LARP1: variants seen among roughly 807,000 people sequenced by gnomAD.
LARP1 encodes la-related protein 1.
A neutral mutation model predicts 122.7 loss-of-function variants in LARP1; 36 were observed. That is an observed-to-expected ratio of 0.29 (90% CI 0.22 to 0.39). LARP1 has a LOEUF of 0.39. Ranked by LOEUF, LARP1 falls within the 10% of genes least tolerant of loss-of-function variation. The pLI, the probability that LARP1 is intolerant of heterozygous loss-of-function variation, is 1.00. For missense variants in LARP1, 1,040 were observed against 1,403.6 expected (o/e 0.74, Z 4.14); for synonymous variants, 539 against 528.7 (o/e 1.02, Z -0.27).
chr5:154,772,484 A>G (rs1755519189), intron 1 of LARP1, among the ~76,000 whole-genome samples: 1 of 152,220 alleles, frequency 6.6e-6, no homozygotes, highest in Admixed American at 6.5e-5. Context: ...TGGGGGATAC[A>G]TTTCAAGACC....
intron 1 of LARP1, among the ~76,000 whole-genome samples, chr5:154,692,009 C>T (rs1274294344): frequency 6.6e-6 from 1 of 152,138 alleles, no homozygotes; most frequent in Admixed American, 6.5e-5. Flanking sequence ...CCAGGCTGGT[C>T]TTGAACATCT....
intron 14 of LARP1, chr5:154,804,679 T>C (rs1758614674): frequency 2.4e-6 from 1 of 425,018 alleles, no homozygotes; most frequent in Non-Finnish European, 4.6e-6. Context: ...TGAAAAGTTT[T>C]AAAAATTAAA....
chr5:154,734,759 C>G (rs1756782059), intron 1 of LARP1, among the ~76,000 whole-genome samples: 1 of 152,044 alleles, frequency 6.6e-6, no homozygotes, highest in Admixed American at 6.6e-5. Context: ...TTGTTGGAAA[C>G]AGATTTCCAG....
intron 1 of LARP1, among the ~76,000 whole-genome samples, chr5:154,779,780 T>C (rs1756264547): frequency 6.6e-6 from 1 of 152,100 alleles, no homozygotes; most frequent in South Asian, 2.1e-4. Flanking sequence ...AGTGCTGAGA[T>C]TACAGGCATG....
At chr5:154,719,299 C>G (rs915677912) in intron 1 of LARP1, among the ~76,000 whole-genome samples, 1 of 152,176 alleles carries the variant, frequency 6.6e-6, no homozygotes, top group African/African-American at 2.4e-5. Context: ...CCTACATACC[C>G]TCTTTTGGCA....
At chr5:154,735,545 T>TTTTA (rs201042247) in intron 1 of LARP1, among the ~76,000 whole-genome samples, 103,413 of 143,774 alleles carry the variant, frequency 0.72, 37,631 homozygotes, top group Middle Eastern at 0.78. Flanking sequence ...TTATTTTTAT[T>TTTTA]TTTATTTATT....
rs1326085254 is a variant in LARP1 at position 154,778,258 on chromosome 5, T to TTAAAAAAAAAA, written c.437-12067_437-12066insTAAAAAAAAAA. The stretch of plus-strand genomic sequence containing the variant: ...CTGGGCCACAGAGCGAGACTCCGTC[T>TTAAAAAAAAAA]AAAAAAAAAAAAAAAAAAAGTGCAG... On this transcript the variant is annotated intron_variant, in intron 1 of 18. Coordinates refer to ENST00000518297, the MANE Select transcript of LARP1 (RefSeq NM_033551.3). Among the ~76,000 whole-genome samples, 2 of 119,710 alleles carry TTAAAAAAAAAA rather than the reference T, an allele frequency of 1.7e-5. 1 individual carries two copies. 78.5% of individuals were successfully genotyped at this position (119,710 alleles called of 152,430 possible). A position where few individuals can be genotyped will look rare whatever the true frequency, so the allele number is the denominator to read the frequency against.
chr5:154,692,204 C>T (rs1037303648), intron 1 of LARP1, among the ~76,000 whole-genome samples: 1 of 152,192 alleles, frequency 6.6e-6, no homozygotes, highest in African/African-American at 2.4e-5. Context: ...AACATCATTC[C>T]CCAGTTTCGC....
At chr5:154,683,123 C>T (rs1441568819) in intron 1 of LARP1, among the ~76,000 whole-genome samples, 9 of 152,164 alleles carry the variant, frequency 5.9e-5, no homozygotes, top group Admixed American at 5.9e-4. Context: ...GAGGGGGCAC[C>T]GAAAGGGGCC....
chr5:154,782,342 A>G (rs1756519436), intron 1 of LARP1, among the ~76,000 whole-genome samples: 2 of 152,136 alleles, frequency 1.3e-5, no homozygotes, highest in Non-Finnish European at 2.9e-5. Flanking sequence ...GTGGCCGCTG[A>G]TATATTTCAG....
At chr5:154,726,816 C>A (rs1180927832) in intron 1 of LARP1, among the ~76,000 whole-genome samples, 1 of 152,194 alleles carries the variant, frequency 6.6e-6, no homozygotes, top group Non-Finnish European at 1.5e-5. Context: ...CCTCAGGAAA[C>A]TTGCAATCAT....
chr5:154,770,938 C>T (rs1020359176), intron 1 of LARP1, among the ~76,000 whole-genome samples: 1 of 151,946 alleles, frequency 6.6e-6, no homozygotes, highest in Non-Finnish European at 1.5e-5. Flanking sequence ...TGTGGTGAAA[C>T]CCCGTCTCTA....
chr5:154,715,538 C>T (rs560929963), intron 1 of LARP1, among the ~76,000 whole-genome samples: 5 of 152,238 alleles, frequency 3.3e-5, no homozygotes, highest in South Asian at 4.1e-4. Flanking sequence ...CCACCGTGCC[C>T]GACCAAGCCT....
intron 15 of LARP1, among the ~76,000 whole-genome samples, chr5:154,806,998 C>G (rs145842632): frequency 6.6e-6 from 1 of 152,318 alleles, no homozygotes; most frequent in East Asian, 1.9e-4. Context: ...AGAATCCTCC[C>G]AGCCCTATGA....
intron 1 of LARP1, among the ~76,000 whole-genome samples, chr5:154,777,831 A>T (rs1203879553): frequency 6.6e-6 from 1 of 152,146 alleles, no homozygotes; most frequent in Non-Finnish European, 1.5e-5. Flanking sequence ...TACCTACACA[A>T]ATTAAAAATT....
chr5:154,719,941 C>T (rs2113342223), intron 1 of LARP1, among the ~76,000 whole-genome samples: 1 of 151,722 alleles, frequency 6.6e-6, no homozygotes, highest in Non-Finnish European at 1.5e-5. Flanking sequence ...CCTATAATCC[C>T]AGCACTTTGG....
chr5:154,759,865 C>T (rs1265265017), intron 1 of LARP1, among the ~76,000 whole-genome samples: 1 of 152,152 alleles, frequency 6.6e-6, no homozygotes, highest in Admixed American at 6.5e-5. Context: ...GATGCTATGG[C>T]CATCCGTAGG....
chr5:154,756,894 A>G (rs1476059902), intron 1 of LARP1, among the ~76,000 whole-genome samples: 2 of 151,108 alleles, frequency 1.3e-5, no homozygotes, highest in Admixed American at 1.3e-4. Flanking sequence ...GGAGCCAGTT[A>G]GGAGGTTGGC....
At chr5:154,750,773 A>C (rs1176490988), upstream of LARP1, among the ~76,000 whole-genome samples, 1 of 151,736 alleles carries the variant, frequency 6.6e-6, no homozygotes, top group Non-Finnish European at 1.5e-5. Flanking sequence ...ACACCTGGCT[A>C]ATTTATTTAT....
Sources: gnomAD v4.1 joint callset for allele counts (sites outside exome capture counted in the v4.1 genomes callset) on GRCh38, gnomAD v4.1.1 for gene constraint, MANE v1.5 for transcripts, NCBI Gene and HGNC (gene_info 2026-07-23, HGNC 2026-07-21) for gene names.